RARA: variants seen among roughly 807,000 people sequenced by gnomAD.
RARA encodes PML-DDX5-RARA fusion.
Under a neutral mutation model 42.8 loss-of-function variants are expected in RARA, and 5 were observed. The observed-to-expected ratio is 0.12, with a 90% CI of 0.06 to 0.25. The LOEUF (loss-of-function observed/expected upper bound fraction) is 0.25, where lower values mean the gene tolerates loss of function less well. RARA is among the 10% of genes least tolerant of loss of function. The pLI is 1.00. For missense variants in RARA, 402 were observed against 628.7 expected (o/e 0.64, Z 3.86); for synonymous variants, 256 against 259.5 (o/e 0.99, Z 0.13).
intron 2 of RARA, among the ~76,000 whole-genome samples, chr17:40,336,115 G>C (rs1019256599): frequency 6.6e-6 from 1 of 152,088 alleles, no homozygotes; most frequent in Non-Finnish European, 1.5e-5. Flanking sequence ...CTGCTCTGTC[G>C]CCCAGGCTGG....
Position 40,320,643 on chromosome 17 carries a change from G to A in RARA, c.-362-10214G>A, listed in dbSNP as rs911099462. ...GGTCCTCAGAACCGTGTGATGTGACGGTGGGGCCTGTCCCAAAATACAAAC... is the reference window on the plus strand; with the variant it reads ...GGTCCTCAGAACCGTGTGATGTGACAGTGGGGCCTGTCCCAAAATACAAAC... On this transcript the variant is annotated intron_variant, in intron 1 of 8. Transcript: ENST00000254066. This position sits in a 1 kb window ranked among gnomAD's most constrained non-coding sequence, Gnocchi z 4.1. Among the ~76,000 whole-genome samples, 3 of 152,210 alleles carry A rather than the reference G, an allele frequency of 2.0e-5. No homozygotes were observed. Among genetic ancestry groups the A allele is most frequent in the African/African-American group, 7.2e-5 (3 of 41,436 alleles).
chr17:40,343,034 C>T (rs1316207291), intron 2 of RARA: 31 of 1,358,686 alleles, frequency 2.3e-5, no homozygotes, highest in South Asian at 1.7e-5. Context: ...CGGCCGCACC[C>T]TCCCCCCAGT....
chr17:40,315,130 G>A lies in RARA; in HGVS notation c.-363+5844G>A, dbSNP rs868574886. On this transcript the variant is annotated intron_variant, in intron 1 of 8. Coordinates refer to ENST00000254066, the MANE Select transcript of RARA (RefSeq NM_000964.4). ...TATATATATATATATATGCTTATAT[G>A]TGTATATATATATATATATATATAT... 2.5e-3 allele frequency among the ~76,000 whole-genome samples: 134 copies of A among 53,966 alleles called. 1 individual carries two copies. Among genetic ancestry groups the A allele is most frequent in the African/African-American group, 7.2e-3 (120 of 16,760 alleles). 35.4% of individuals were successfully genotyped at this position (53,966 alleles called of 152,430 possible). A position where few individuals can be genotyped will look rare whatever the true frequency, so the allele number is the denominator to read the frequency against.
In RARA at chr17:40,331,100, G is replaced by A; in HGVS notation, c.-119G>A. Reference sequence around the variant, plus strand: ...ACAGCAGCTCCAGGACAGGGCGGGTGGGCTGACCACCCAAACCCCATCTGG... The same window carrying A: ...ACAGCAGCTCCAGGACAGGGCGGGTAGGCTGACCACCCAAACCCCATCTGG... On this transcript the variant is annotated 5_prime_UTR_variant, in exon 2 of 9. Coordinates refer to ENST00000254066, the MANE Select transcript of RARA (RefSeq NM_000964.4). 3 of 1,203,068 alleles carry A rather than the reference G, an allele frequency of 2.5e-6. No homozygotes were observed. The highest frequency in any genetic ancestry group is 3.5e-6 in the Non-Finnish European group (3 of 868,798). 74.5% of individuals were successfully genotyped at this position (1,203,068 alleles called of 1,614,324 possible). A position where few individuals can be genotyped will look rare whatever the true frequency, so the allele number is the denominator to read the frequency against.
intron 4 of RARA, chr17:40,350,659 G>C (rs2034413024): frequency 6.6e-6 from 1 of 152,374 alleles, no homozygotes; most frequent in Non-Finnish European, 1.5e-5. Context: ...TGGGATGGGG[G>C]AGGGGGCTGC....
chr17:40,331,408 T>G lies in RARA; in HGVS notation c.178+12T>G. On this transcript the variant is annotated intron_variant, in intron 2 of 8. Transcript: ENST00000254066. Reference sequence around the variant, plus strand: ...ACCATCCCCAGCCAGTAAGTCTGGGTGTGGGGGCTGGGGTGGGAAGGGACT... The same window carrying G: ...ACCATCCCCAGCCAGTAAGTCTGGGGGTGGGGGCTGGGGTGGGAAGGGACT... 6.2e-7 allele frequency: 1 copy of G among 1,610,188 alleles called. No individual in the cohort carries two copies. The highest frequency in any genetic ancestry group is 8.5e-7 in the Non-Finnish European group (1 of 1,177,962).
At position 40,351,083 on chromosome 17, in the gene RARA, G is replaced by A. The variant is rs1392754639; in HGVS notation, c.470-827G>A. Among the ~76,000 whole-genome samples, 3 of 151,770 alleles carry A rather than the reference G, an allele frequency of 2.0e-5. No individual in the cohort carries two copies. The highest frequency in any genetic ancestry group is 1.3e-4 in the Admixed American group (2 of 15,250). On this transcript the variant is annotated intron_variant, in intron 4 of 8. Coordinates refer to ENST00000254066, the MANE Select transcript of RARA (RefSeq NM_000964.4). The surrounding 1 kb of genome is among the most constrained non-coding windows in gnomAD (Gnocchi z 4.1). ...GAATTAAAGCTTCCGAATGATAAAC[G>A]TCTTGTCACAGCTGCAATTTTCTCT...
chr17:40,356,207 C>T lies in RARA; in HGVS notation c.1370C>T (p.Pro457Leu), dbSNP rs536574354. The T allele has an allele frequency of 1.3e-5, 20 of 1,550,002 alleles. No homozygotes were observed. In the East Asian group the frequency reaches 1.7e-4, roughly 13 times the overall value. Residue 457 changes from proline (P) to leucine (L), a missense_variant, in exon 9 of 9, where the codon CCG becomes CTG. This residue lies in a region of RARA where 73 missense variants were observed against 59.8 expected (regional missense o/e 1.22). Coordinates refer to ENST00000254066, the MANE Select transcript of RARA (RefSeq NM_000964.4). Reference protein sequence around the residue: ...SLSPSSNRSSPATHSP With the variant: ...SLSPSSNRSSLATHSP Reference sequence around the variant, plus strand: ...AGCCCCAGCTCCAACAGAAGCAGCCCGGCCACCCACTCCCCGTGACCGCCC... The same window carrying T: ...AGCCCCAGCTCCAACAGAAGCAGCCTGGCCACCCACTCCCCGTGACCGCCC...
chr17:40,349,859 G>A lies in RARA; in HGVS notation c.403G>A (p.Val135Met). 1 of 1,614,228 alleles carries A rather than the reference G, an allele frequency of 6.2e-7. No individual in the cohort carries two copies. Among genetic ancestry groups the A allele is most frequent in the Non-Finnish European group, 8.5e-7 (1 of 1,180,040 alleles). ...GGACAAGAACTGCATCATCAACAAGGTGACCCGGAACCGCTGCCAGTACTG... is the reference window on the plus strand; with the variant it reads ...GGACAAGAACTGCATCATCAACAAGATGACCCGGAACCGCTGCCAGTACTG... ...HRDKNCIINK[V>M]TRNRCQYCRL... Residue 135 changes from valine (V) to methionine (M), a missense_variant, in exon 4 of 9, where the codon GTG becomes ATG. Coordinates refer to ENST00000254066, the MANE Select transcript of RARA (RefSeq NM_000964.4).
intron 1 of RARA, among the ~76,000 whole-genome samples, chr17:40,312,425 T>C (rs2033114418): frequency 6.6e-6 from 1 of 152,330 alleles, no homozygotes; most frequent in East Asian, 1.9e-4. Flanking sequence ...AGGCAGGGCA[T>C]GGGCCTCCCT....
At chr17:40,311,367 G>A (rs1337424514) in intron 1 of RARA, among the ~76,000 whole-genome samples, 1 of 151,946 alleles carries the variant, frequency 6.6e-6, no homozygotes, top group Non-Finnish European at 1.5e-5. Context: ...AACAGGCTGG[G>A]GTCTGGAGAC....
chr17:40,325,925 A>G (rs2033532988), intron 1 of RARA, among the ~76,000 whole-genome samples: 1 of 152,172 alleles, frequency 6.6e-6, no homozygotes, highest in Admixed American at 6.5e-5. Flanking sequence ...TGTCCTGAGT[A>G]TAAGGGAGGA....
rs1413456170 is a variant in RARA, at chr17:40,320,630, CGT to C, written c.-362-10223_-362-10222del. Among the ~76,000 whole-genome samples, 1 of 152,192 alleles carries C rather than the reference CGT, an allele frequency of 6.6e-6. No individual in the cohort carries two copies. Among genetic ancestry groups the C allele is most frequent in the Admixed American group, 6.5e-5 (1 of 15,280 alleles). ...TCTCAGGTGGGATGGTCCTCAGAAC[CGT>C]GTGATGTGACGGTGGGGCCTGTCCC... On this transcript the variant is annotated intron_variant, in intron 1 of 8. Coordinates refer to ENST00000254066, the MANE Select transcript of RARA (RefSeq NM_000964.4). The surrounding 1 kb of genome is among the most constrained non-coding windows in gnomAD (Gnocchi z 4.1).
At chr17:40,317,483 T>A (rs1418633746) in intron 1 of RARA, among the ~76,000 whole-genome samples, 1 of 152,034 alleles carries the variant, frequency 6.6e-6, no homozygotes, top group Non-Finnish European at 1.5e-5. Context: ...CCAGACTTGT[T>A]CGGGAGAGAG....
Position 40,352,817 on chromosome 17 carries a change from G to T in RARA, c.807+310G>T, listed in dbSNP as rs888075553. Among the ~76,000 whole-genome samples the T allele has an allele frequency of 1.4e-4, 21 of 152,186 alleles. No homozygotes were observed. Among genetic ancestry groups the T allele is most frequent in the Admixed American group, 1.4e-3 (21 of 15,270 alleles). The stretch of plus-strand genomic sequence containing the variant: ...GAGCCAGGTGCAGTGGCTCATACCT[G>T]TAATCCCAGCACTTTGGGAGGCCGA... On this transcript the variant is annotated intron_variant, in intron 6 of 8. Coordinates refer to ENST00000254066, the MANE Select transcript of RARA (RefSeq NM_000964.4). This position sits in a 1 kb window ranked among gnomAD's most constrained non-coding sequence, Gnocchi z 4.9.
chr17:40,315,100 G>GTGTA lies in RARA; in HGVS notation c.-363+5815_-363+5816insGTAT, dbSNP rs1555569195. On this transcript the variant is annotated intron_variant, in intron 1 of 8. Transcript: ENST00000254066. The stretch of plus-strand genomic sequence containing the variant: ...GGAGGGAACATTGATTGGGTTATAT[G>GTGTA]TATATATATATATATATATATGCTT... Among the ~76,000 whole-genome samples the GTGTA allele has an allele frequency of 1.4e-4, 10 of 72,818 alleles. No individual in the cohort carries two copies. In the East Asian group the frequency reaches 2.7e-3, roughly 19 times the overall value. 47.8% of individuals were successfully genotyped at this position (72,818 alleles called of 152,430 possible).
intron 2 of RARA, among the ~76,000 whole-genome samples, chr17:40,337,587 AG>A (rs555906879): frequency 6.7e-4 from 102 of 152,330 alleles, no homozygotes; most frequent in African/African-American, 2.4e-3. Flanking sequence ...CAGACACTGA[AG>A]GAACAGAATG....
At position 40,348,171 on chromosome 17, in the gene RARA, A is replaced by G. The variant is rs568537190; in HGVS notation, c.179-145A>G. The G allele has an allele frequency of 8.8e-5, 90 of 1,023,544 alleles. No homozygotes were observed. In the African/African-American group the frequency reaches 1.3e-3, roughly 15 times the overall value. The allele number at this position is 1,023,544 out of a possible 1,614,324, so 63.4% of individuals were successfully genotyped here. The stretch of plus-strand genomic sequence containing the variant: ...CCTCCTGCCCTGAGTCTGGCTGGGG[A>G]GTCCCAGTTTTCTTAAGACTTGAAT... On this transcript the variant is annotated intron_variant, in intron 2 of 8. Transcript: ENST00000254066.
intron 2 of RARA, among the ~76,000 whole-genome samples, chr17:40,337,521 C>T (rs2033890338): frequency 1.3e-5 from 2 of 152,148 alleles, no homozygotes; most frequent in Admixed American, 6.5e-5. Flanking sequence ...CCCAAATCTG[C>T]CCGCTGTAGC....
Sources: gnomAD v4.1 joint callset for allele counts (sites outside exome capture counted in the v4.1 genomes callset) on GRCh38, gnomAD v4.1.1 for gene constraint, gnomAD v4.1.1 regional missense constraint, Gnocchi (gnomAD v3.1) non-coding constraint, MANE v1.5 for transcripts, NCBI Gene and HGNC (gene_info 2026-07-23, HGNC 2026-07-21) for gene names.